Variants in SLC12A2 observed in about 807,000 individuals in gnomAD.
The protein encoded by SLC12A2 is solute carrier family 12 member 2.
In SLC12A2, 67 loss-of-function variants were observed where a neutral mutation model predicts 136.3. The observed-to-expected ratio is 0.49, with a 90% CI of 0.40 to 0.60. The LOEUF (loss-of-function observed/expected upper bound fraction) is 0.60, where lower values mean the gene tolerates loss of function less well. Among genes scored for constraint, SLC12A2 ranks in the 20% least tolerant of loss-of-function variants. The pLI is 0.00. For synonymous variants in SLC12A2, 619 were observed against 562.9 expected (o/e 1.10, Z -1.41); for missense variants, 1,322 against 1,534.7 (o/e 0.86, Z 2.32).
intron 1 of SLC12A2, among the ~76,000 whole-genome samples, chr5:128,096,322 GACAT>G (rs1760535415): frequency 6.6e-6 from 1 of 152,114 alleles, no homozygotes; most frequent in South Asian, 2.1e-4. Context: ...AGGGATATCA[GACAT>G]ACAAGTACTA....
At chr5:128,105,119 T>C (rs1344889657) in intron 1 of SLC12A2, among the ~76,000 whole-genome samples, 1 of 152,256 alleles carries the variant, frequency 6.6e-6, no homozygotes, top group Non-Finnish European at 1.5e-5. Context: ...CAGAAGTCAC[T>C]GTTTATAGTA....
intron 1 of SLC12A2, among the ~76,000 whole-genome samples, chr5:128,097,084 T>C (rs1760570165): frequency 6.6e-6 from 1 of 152,222 alleles, no homozygotes; most frequent in African/African-American, 2.4e-5. Flanking sequence ...CAAGCCTTCC[T>C]AGAATATTAG....
At position 128,134,410 on chromosome 5, in the gene SLC12A2, G is replaced by A. The variant is rs41298324; in HGVS notation, c.1299+135G>A. ...AGTGGCCATTTTCACAAATGTTTAT[G>A]TATAAGGTTATTTTCTACTTGACAA... On this transcript the variant is annotated intron_variant, in intron 6 of 26. Coordinates refer to ENST00000262461, the MANE Select transcript of SLC12A2 (RefSeq NM_001046.3). The A allele has an allele frequency of 0.024, 14,032 of 577,950 alleles. 274 individuals carry two copies. Among genetic ancestry groups the A allele is most frequent in the Non-Finnish European group, 0.027 (8,657 of 315,782 alleles). The allele number at this position is 577,950 out of a possible 1,614,324, so 35.8% of individuals were successfully genotyped here. A position where few individuals can be genotyped will look rare whatever the true frequency, so the allele number is the denominator to read the frequency against.
At chr5:128,131,399 C>T (rs755150518) in intron 5 of SLC12A2, among the ~76,000 whole-genome samples, 193 bp downstream of exon 5, 1 of 152,208 alleles carries the variant, frequency 6.6e-6, no homozygotes, top group Non-Finnish European at 1.5e-5. Flanking sequence ...CGCGGTGGCT[C>T]GCGCATGTAA....
intron 4 of SLC12A2, among the ~76,000 whole-genome samples, chr5:128,124,567 G>C (rs180829748): frequency 7.5e-4 from 114 of 152,278 alleles, no homozygotes; most frequent in African/African-American, 2.5e-3. Flanking sequence ...TAAAAGAGTT[G>C]AGTAAAGGAT....
At chr5:128,110,041 G>A in intron 1 of SLC12A2, 1 of 1,055,734 alleles carries the variant, frequency 9.5e-7, no homozygotes, top group Non-Finnish European at 1.5e-6. Flanking sequence ...CTTGGACAGA[G>A]GCAGAGCCTG....
At chr5:128,165,348 G>GT (rs1170409874) in intron 17 of SLC12A2, among the ~76,000 whole-genome samples, 1 of 152,124 alleles carries the variant, frequency 6.6e-6, no homozygotes. Flanking sequence ...AACTAAATAC[G>GT]TTTTTTTGGT....
At chr5:128,092,504 A>T (rs908984732) in intron 1 of SLC12A2, among the ~76,000 whole-genome samples, 4 of 152,226 alleles carry the variant, frequency 2.6e-5, no homozygotes, top group African/African-American at 9.6e-5. Context: ...TCCGATAGAA[A>T]TATAATATGA....
chr5:128,161,756 G>A lies in SLC12A2; in HGVS notation c.2572G>A (p.Val858Ile), dbSNP rs1328792776. 6.6e-7 allele frequency: 1 copy of A among 1,517,990 alleles called. No individual in the cohort carries two copies. Among genetic ancestry groups the A allele is most frequent in the Non-Finnish European group, 8.8e-7 (1 of 1,135,344 alleles). The allele number at this position is 1,517,990 out of a possible 1,614,324, so 94.0% of individuals were successfully genotyped here. ...CAAAATGAAGGCATTTTATGCTCCA[G>A]TACATGCAGATGACTTGAGAGAAGG... ...KNKMKAFYAP[V>I]HADDLREGAQ... The change falls in exon 17 of 27, where the codon GTA becomes ATA. Residue 858 changes from valine to isoleucine, a missense_variant. Physicochemically the swap from Val to Ile is conservative, Grantham distance 29. Around this residue, in one of 8 missense-constraint regions of SLC12A2, gnomAD observed 226 missense variants for 210.4 expected, o/e 1.07. Transcript: ENST00000262461.
intron 20 of SLC12A2, among the ~76,000 whole-genome samples, chr5:128,174,892 C>T (rs1763493404): frequency 6.6e-6 from 1 of 152,006 alleles, no homozygotes; most frequent in Admixed American, 6.6e-5. Flanking sequence ...TAGTTATTTA[C>T]TAATATGGCT....
At position 128,114,692 on chromosome 5, in the gene SLC12A2, T is replaced by C. The variant is rs776277549; in HGVS notation, c.1048+11T>C. 4.2e-6 allele frequency: 6 copies of C among 1,444,288 alleles called. No individual in the cohort carries two copies. Among genetic ancestry groups the C allele is most frequent in the Non-Finnish European group, 4.9e-6 (5 of 1,025,882 alleles). The allele number at this position is 1,444,288 out of a possible 1,614,324, so 89.5% of individuals were successfully genotyped here. On this transcript the variant is annotated intron_variant, in intron 4 of 26. Coordinates refer to ENST00000262461, the MANE Select transcript of SLC12A2 (RefSeq NM_001046.3). Reference sequence around the variant, plus strand: ...GATTTGTAAGAGGAGGTAAGTAGAATCTTTTTGAATCATCATCATCAGATT... The same window carrying C: ...GATTTGTAAGAGGAGGTAAGTAGAACCTTTTTGAATCATCATCATCAGATT...
intron 1 of SLC12A2, among the ~76,000 whole-genome samples, chr5:128,099,817 C>T (rs1760682248): frequency 6.6e-6 from 1 of 152,166 alleles, no homozygotes; most frequent in Admixed American, 6.5e-5. Flanking sequence ...ACTAGAAGGT[C>T]TTCAAGCACT....
intron 18 of SLC12A2, chr5:128,168,360 T>A (rs1020057365): frequency 6.6e-6 from 1 of 152,268 alleles, no homozygotes; most frequent in Non-Finnish European, 1.5e-5. Flanking sequence ...AATGTACTTA[T>A]ATGTTTTGTT....
chr5:128,113,699 C>A (rs1761241086), intron 2 of SLC12A2, among the ~76,000 whole-genome samples: 1 of 151,954 alleles, frequency 6.6e-6, no homozygotes, highest in African/African-American at 2.4e-5. Flanking sequence ...ATGAACATAG[C>A]AAATAAAACT....
At chr5:128,144,098 T>C (rs1277133268) in intron 10 of SLC12A2, among the ~76,000 whole-genome samples, 1 of 152,036 alleles carries the variant, frequency 6.6e-6, no homozygotes, top group Non-Finnish European at 1.5e-5. Flanking sequence ...AATTCTGACA[T>C]TGATACTGTG....
At chr5:128,127,483 T>G (rs1410585603) in intron 4 of SLC12A2, among the ~76,000 whole-genome samples, 1 of 152,126 alleles carries the variant, frequency 6.6e-6, no homozygotes, top group Non-Finnish European at 1.5e-5. Flanking sequence ...GCTCATCTTA[T>G]GTGTTTCCTT....
intron 13 of SLC12A2, 124 bp from the exon 14 acceptor site, chr5:128,151,111 GACTTAT>G: frequency 4.2e-6 from 3 of 705,934 alleles, no homozygotes; most frequent in South Asian, 4.4e-5. Flanking sequence ...TTCAATATTA[GACTTAT>G]ACTTAATGCT....
Position 128,114,586 on chromosome 5 carries a change from G to T in SLC12A2, c.953G>T (p.Gly318Val), listed in dbSNP as rs745985274. Residue 318 changes from glycine (G) to valine (V), a missense_variant and splice_region_variant, in exon 4 of 27, where the codon GGT becomes GTT. By Grantham distance (109) the Gly-to-Val change is moderately radical. Transcript: ENST00000262461. ...LSWIVGQAGIGLSVLVIMMAT... is the reference protein window; with the variant it reads ...LSWIVGQAGIVLSVLVIMMAT... ...TCATTGTCTTTCTTTCTTCGTAAAG[G>T]TCTATCAGTCCTTGTAATAATGATG... The T allele has an allele frequency of 1.3e-6, 2 of 1,596,392 alleles. No individual in the cohort carries two copies. The highest frequency in any genetic ancestry group is 1.7e-6 in the Non-Finnish European group (2 of 1,164,330).
rs150528947 is a variant in SLC12A2 at position 128,151,877 on chromosome 5, T to C, written c.2263+481T>C. Among the ~76,000 whole-genome samples the C allele has an allele frequency of 2.4e-4, 37 of 152,272 alleles. No homozygotes were observed. In the East Asian group the frequency reaches 3.1e-3, roughly 13 times the overall value. On this transcript the variant is annotated intron_variant, in intron 14 of 26. Coordinates refer to ENST00000262461, the MANE Select transcript of SLC12A2 (RefSeq NM_001046.3). ...GTATCTTTCCCACTAGGTTACTGTG[T>C]AGCAGGGGAAATTGGACAAACTTGT...
Sources: gnomAD v4.1 joint callset for allele counts (sites outside exome capture counted in the v4.1 genomes callset) on GRCh38, gnomAD v4.1.1 for gene constraint, gnomAD v4.1.1 regional missense constraint, MANE v1.5 for transcripts, NCBI Gene and HGNC (gene_info 2026-07-23, HGNC 2026-07-21) for gene names.